The following CEP85L variants were observed in gnomAD, a reference collection of about 807,000 sequenced individuals.
CEP85L encodes the protein centrosomal protein 85L.
CEP85L carries 60 observed loss-of-function variants against 100.3 expected under a neutral mutation model. The ratio of observed to expected loss-of-function variants is 0.60; its 90% CI spans 0.49 to 0.74. The LOEUF (loss-of-function observed/expected upper bound fraction) is 0.74, where lower values mean the gene tolerates loss of function less well. CEP85L is among the 30% of genes least tolerant of loss of function. The probability of loss-of-function intolerance (pLI) is 0.00; values close to 1 mark genes in which losing one functional copy is unlikely to be tolerated. For synonymous variants in CEP85L, 319 were observed against 322.7 expected (o/e 0.99, Z 0.12); for missense variants, 973 against 936.2 (o/e 1.04, Z -0.51).
At chr6:118,627,062 G>A (rs368831868) in intron 2 of CEP85L, among the ~76,000 whole-genome samples, 1 of 151,998 alleles carries the variant, frequency 6.6e-6, no homozygotes, top group East Asian at 1.9e-4. Context: ...AGCCAGGCAT[G>A]GTGGTGGGTG....
At chr6:118,520,271 C>A (rs899660269) in intron 4 of CEP85L, among the ~76,000 whole-genome samples, 2 of 152,144 alleles carry the variant, frequency 1.3e-5, no homozygotes, top group Non-Finnish European at 2.9e-5. Context: ...CACCTTTAAT[C>A]ACAGACAACA....
intron 2 of CEP85L, among the ~76,000 whole-genome samples, chr6:118,614,294 T>C (rs1348237406): frequency 6.6e-6 from 1 of 152,212 alleles, no homozygotes; most frequent in Non-Finnish European, 1.5e-5. Flanking sequence ...GTGAAAAGAC[T>C]GAATGCTATA....
At chr6:118,551,076 C>A (rs1281592801) in intron 3 of CEP85L, among the ~76,000 whole-genome samples, 1 of 151,802 alleles carries the variant, frequency 6.6e-6, no homozygotes, top group African/African-American at 2.4e-5. Flanking sequence ...TCATCTGATA[C>A]CTAAAATCCA....
intron 2 of CEP85L, among the ~76,000 whole-genome samples, chr6:118,600,496 A>G (rs1781730301): frequency 6.6e-6 from 1 of 151,188 alleles, no homozygotes; most frequent in Non-Finnish European, 1.5e-5. Context: ...TAATTTTTGT[A>G]TTTTCAGTAG....
chr6:118,556,418 T>C (rs1400176328), intron 3 of CEP85L, among the ~76,000 whole-genome samples: 4 of 152,306 alleles, frequency 2.6e-5, no homozygotes, highest in South Asian at 4.1e-4. Context: ...AAATGCCCAG[T>C]CTACTATATA....
chr6:118,709,103 A>C (rs1386569764), intron 1 of CEP85L, among the ~76,000 whole-genome samples: 1 of 152,170 alleles, frequency 6.6e-6, no homozygotes, highest in Non-Finnish European at 1.5e-5. Context: ...AGAGCAGCAC[A>C]TCAAGACGAA....
intron 1 of CEP85L, among the ~76,000 whole-genome samples, chr6:118,693,611 G>A (rs1185997444): frequency 6.6e-6 from 1 of 152,162 alleles, no homozygotes; most frequent in Non-Finnish European, 1.5e-5. Flanking sequence ...AAAGGCTATT[G>A]GTTAGCCTGC....
intron 8 of CEP85L, 62 bp from the exon 9 acceptor site, chr6:118,480,575 T>C (rs1773705045): frequency 2.0e-6 from 2 of 1,018,646 alleles, no homozygotes; most frequent in East Asian, 4.8e-5. Context: ...GGTAATGATT[T>C]CAACATAAAT....
chr6:118,707,059 G>T, intron 1 of CEP85L, among the ~76,000 whole-genome samples: 1 of 152,124 alleles, frequency 6.6e-6, no homozygotes, highest in Non-Finnish European at 1.5e-5. Context: ...CTGAGCCCAG[G>T]CTATCTCTCC....
chr6:118,461,753 G>C lies in CEP85L; in HGVS notation c.*3652C>G, dbSNP rs1772245370. 6.6e-6 allele frequency: 1 copy of C among 151,888 alleles called. No individual in the cohort carries two copies. The highest frequency in any genetic ancestry group is 6.6e-5 in the Admixed American group (1 of 15,248). The allele number at this position is 151,888 out of a possible 1,614,324, so 9.4% of individuals were successfully genotyped here. ...AATAGGAAATTGTTCCTGTTGTTTT[G>C]TGAACATGAATTGTCAAAAATGGAA... On this transcript the variant is annotated 3_prime_UTR_variant, in exon 13 of 13. Coordinates refer to ENST00000368491, the MANE Select transcript of CEP85L (RefSeq NM_001042475.3).
intron 3 of CEP85L, among the ~76,000 whole-genome samples, chr6:118,548,569 CAGGA>C (rs1778347215): frequency 6.6e-6 from 1 of 151,962 alleles, no homozygotes; most frequent in Non-Finnish European, 1.5e-5. Context: ...CATTTAGTGA[CAGGA>C]AAAATGAGAC....
intron 5 of CEP85L, among the ~76,000 whole-genome samples, chr6:118,498,683 C>G (rs12196194): frequency 0.68 from 101,720 of 149,648 alleles, 35,255 homozygotes; most frequent in Middle Eastern, 0.73. Context: ...AGGAGGGAAA[C>G]AGAAAAGAAA....
intron 2 of CEP85L, among the ~76,000 whole-genome samples, chr6:118,592,707 T>G (rs1266820762): frequency 6.6e-6 from 1 of 152,162 alleles, no homozygotes; most frequent in Non-Finnish European, 1.5e-5. Context: ...AATGAAAAAT[T>G]TATGCAAACC....
At chr6:118,593,307 G>A (rs1485771851) in intron 2 of CEP85L, among the ~76,000 whole-genome samples, 2 of 151,644 alleles carry the variant, frequency 1.3e-5, no homozygotes, top group Non-Finnish European at 2.9e-5. Flanking sequence ...CACTTCAAAC[G>A]GGTGTATGGT....
intron 1 of CEP85L, among the ~76,000 whole-genome samples, chr6:118,642,296 CA>C (rs899872730): frequency 6.6e-6 from 1 of 151,512 alleles, no homozygotes; most frequent in African/African-American, 2.4e-5. Context: ...TAAAATGTGT[CA>C]AAAAAATAAA....
chr6:118,579,518 T>C (rs1780445077), intron 2 of CEP85L, among the ~76,000 whole-genome samples: 1 of 152,252 alleles, frequency 6.6e-6, no homozygotes, highest in South Asian at 2.1e-4. Flanking sequence ...AGTTGACCTG[T>C]AGAGAGCTGT....
intron 1 of CEP85L, among the ~76,000 whole-genome samples, chr6:118,694,954 G>A (rs944219796): frequency 6.6e-6 from 1 of 152,110 alleles, no homozygotes; most frequent in Non-Finnish European, 1.5e-5. Context: ...CCAAAAGGTG[G>A]TCTTGTTTAT....
intron 6 of CEP85L, among the ~76,000 whole-genome samples, chr6:118,486,573 C>A (rs1300311977): frequency 6.6e-6 from 1 of 152,116 alleles, no homozygotes; most frequent in African/African-American, 2.4e-5. Context: ...ACCCAAAGTG[C>A]TGTTTGTTGA....
chr6:118,508,593 C>T (rs1775793467), intron 5 of CEP85L, among the ~76,000 whole-genome samples: 1 of 152,036 alleles, frequency 6.6e-6, no homozygotes, highest in African/African-American at 2.4e-5. Context: ...GTGATATCTA[C>T]TTCTAAGGTC....
Sources: allele counts gnomAD v4.1 joint callset (sites outside exome capture counted in the v4.1 genomes callset), GRCh38; gene constraint gnomAD v4.1.1; transcripts MANE v1.5; gene names NCBI Gene and HGNC (gene_info 2026-07-23, HGNC 2026-07-21).